Variants in GDA observed in about 807,000 individuals in gnomAD.
GDA encodes cytoplasmic PSD-95 interactor.
GDA carries 18 observed loss-of-function variants against 59.6 expected under a neutral mutation model. The ratio of observed to expected loss-of-function variants is 0.30; its 90% CI spans 0.21 to 0.45. The LOEUF is 0.45. GDA is among the 20% of genes least tolerant of loss of function. The pLI, the probability that GDA is intolerant of heterozygous loss-of-function variation, is 1.00. For synonymous variants in GDA, 201 were observed against 201.1 expected (o/e 1.00, Z 0.00); for missense variants, 427 against 552.3 (o/e 0.77, Z 2.27).
intron 5 of GDA, among the ~76,000 whole-genome samples, chr9:72,215,075 A>G (rs1465139769): frequency 3.3e-5 from 5 of 152,184 alleles, no homozygotes; most frequent in Admixed American, 6.5e-5. Flanking sequence ...CCTCATATTC[A>G]ATGTAAGTAA....
chr9:72,235,593 A>C (rs1838878311), intron 10 of GDA, among the ~76,000 whole-genome samples: 1 of 152,170 alleles, frequency 6.6e-6, no homozygotes, highest in East Asian at 1.9e-4. Context: ...GCTACATGGG[A>C]GGCTGAGGCA....
Position 72,252,044 on chromosome 9 carries a change from C to T in GDA, c.*3702C>T, listed in dbSNP as rs1351726742. 3 of 152,696 alleles carry T rather than the reference C, an allele frequency of 2.0e-5. No homozygotes were observed. The East Asian group carries it at 5.8e-4, about 29-fold the overall frequency. The allele number at this position is 152,696 out of a possible 1,614,324, so 9.5% of individuals were successfully genotyped here. ...ACCCAAAAGCCTGTCAGAAAGCATT[C>T]TTTAGAGAAAACCACTTTACATTTG... is the stretch of plus-strand genomic sequence containing the variant. On this transcript the variant is annotated 3_prime_UTR_variant, in exon 14 of 14. Transcript: ENST00000358399.
intron 4 of GDA, among the ~76,000 whole-genome samples, chr9:72,213,653 A>C (rs185652183): frequency 0.018 from 2,744 of 151,160 alleles, 77 homozygotes; most frequent in African/African-American, 0.063. Flanking sequence ...AATACAAAAA[A>C]TTAGCCGGGC....
At chr9:72,128,358 T>A (rs1825917950) in intron 1 of GDA, among the ~76,000 whole-genome samples, 1 of 152,160 alleles carries the variant, frequency 6.6e-6, no homozygotes, top group Non-Finnish European at 1.5e-5. Flanking sequence ...TGGGAGTGTG[T>A]TGGGCAGCTT....
At chr9:72,117,251 G>A (rs552412452) in intron 1 of GDA, among the ~76,000 whole-genome samples, 1 of 151,934 alleles carries the variant, frequency 6.6e-6, no homozygotes. Context: ...GAGTCTGTAG[G>A]AATTTTTCAC....
At position 72,192,672 on chromosome 9, in the gene GDA, G is replaced by A. The variant is rs2131233450; in HGVS notation, c.124-2828G>A. Among the ~76,000 whole-genome samples the A allele has an allele frequency of 1.3e-5, 2 of 151,336 alleles. 1 individual carries two copies. The highest frequency in any genetic ancestry group is 4.0e-4 in the East Asian group (2 of 4,988). The stretch of plus-strand genomic sequence containing the variant: ...CAAGGCAGGCAGATCACTAGGTCAG[G>A]AGATCGAGACCATCCTGGCCAACAT... On this transcript the variant is annotated intron_variant, in intron 1 of 13. Coordinates refer to ENST00000358399, the MANE Select transcript of GDA (RefSeq NM_004293.5).
chr9:72,118,209 T>C (rs1825528055), intron 1 of GDA, among the ~76,000 whole-genome samples: 2 of 139,146 alleles, frequency 1.4e-5, no homozygotes, highest in Admixed American at 8.2e-5. Context: ...GAGGCGGAGC[T>C]TGCAGTGAGC....
At chr9:72,228,709 G>GTATT (rs1837913117) in intron 9 of GDA, 2 of 152,326 alleles carry the variant, frequency 1.3e-5, no homozygotes, top group Admixed American at 1.3e-4. Flanking sequence ...CCAACATGGT[G>GTATT]AAACCCCATC....
At chr9:72,253,163 A>G (rs1840798463), downstream of GDA, 1 of 152,142 alleles carries the variant, frequency 6.6e-6, no homozygotes, top group African/African-American at 2.4e-5. Context: ...ATTCATCCCA[A>G]TGTCTGAGCA....
intron 11 of GDA, 111 bp from the exon 12 acceptor site, chr9:72,245,037 T>A (rs1587798793): frequency 5.6e-6 from 2 of 354,008 alleles, no homozygotes; most frequent in South Asian, 4.4e-5. Flanking sequence ...AAGATACTAA[T>A]TTTTTTTTTT....
chr9:72,178,414 T>TA (rs1015420738), intron 1 of GDA, among the ~76,000 whole-genome samples: 4 of 67,050 alleles, frequency 6.0e-5, no homozygotes, highest in African/African-American at 3.1e-4. Context: ...GGAATCGATA[T>TA]TTTTTTTTTT....
intron 1 of GDA, among the ~76,000 whole-genome samples, chr9:72,125,298 TCTTC>T (rs1299404175): frequency 6.6e-5 from 10 of 151,616 alleles, no homozygotes; most frequent in South Asian, 2.1e-4. Context: ...TTCCTTCCTT[TCTTC>T]CTTCCTTCCT....
At chr9:72,127,548 A>T (rs1409907458) in intron 1 of GDA, among the ~76,000 whole-genome samples, 2 of 151,648 alleles carry the variant, frequency 1.3e-5, no homozygotes, top group African/African-American at 2.4e-5. Flanking sequence ...GAGGCAGGAG[A>T]ATCGCTTGAA....
intron 1 of GDA, among the ~76,000 whole-genome samples, chr9:72,143,042 T>TA (rs1826497671): frequency 6.6e-6 from 1 of 151,698 alleles, no homozygotes; most frequent in Admixed American, 6.6e-5. Context: ...GTGCTGGAAT[T>TA]ACAGGCATGA....
intron 1 of GDA, among the ~76,000 whole-genome samples, chr9:72,163,057 T>C (rs898583637): frequency 1.3e-4 from 20 of 151,984 alleles, no homozygotes; most frequent in Non-Finnish European, 2.4e-4. Context: ...AGTTAGAAAA[T>C]GACTGCAGTG....
At chr9:72,206,174 G>A (rs1278472580) in intron 3 of GDA, among the ~76,000 whole-genome samples, 1 of 152,076 alleles carries the variant, frequency 6.6e-6, no homozygotes, top group African/African-American at 2.4e-5. Context: ...TTTAAAAGAA[G>A]ACTGCATTTT....
chr9:72,146,586 G>T (rs965591109), upstream of GDA, among the ~76,000 whole-genome samples: 24 of 152,196 alleles, frequency 1.6e-4, no homozygotes, highest in Admixed American at 1.2e-3. Flanking sequence ...TGCCTCCCGG[G>T]TTCAAGCGAT....
chr9:72,116,375 G>T (rs921069334), intron 1 of GDA, among the ~76,000 whole-genome samples: 2 of 143,374 alleles, frequency 1.4e-5, no homozygotes, highest in Admixed American at 7.3e-5. Context: ...CCTCTATGAA[G>T]TTTCCCCAGC....
rs372448392 is a variant in GDA, at chr9:72,162,719, G to A, written c.123+13037G>A. ...GTTGCCCAGGCTGGAGTGCGGTGGC[G>A]TGGTCTCGGCTTACTGCAAGCTCCG... is the stretch of plus-strand genomic sequence containing the variant. On this transcript the variant is annotated intron_variant, in intron 1 of 13. Coordinates refer to ENST00000358399, the MANE Select transcript of GDA (RefSeq NM_004293.5). 4.4e-3 allele frequency among the ~76,000 whole-genome samples: 675 copies of A among 151,730 alleles called. 6 individuals are homozygous for A. Among genetic ancestry groups the A allele is most frequent in the African/African-American group, 0.015 (630 of 41,364 alleles).
Sources: gnomAD v4.1 joint callset for allele counts (sites outside exome capture counted in the v4.1 genomes callset) on GRCh38, gnomAD v4.1.1 for gene constraint, MANE v1.5 for transcripts, NCBI Gene and HGNC (gene_info 2026-07-23, HGNC 2026-07-21) for gene names.